The following MNT variants were observed in gnomAD, a reference collection of about 807,000 sequenced individuals.
The protein encoded by MNT is max-binding protein MNT.
In MNT, 13 loss-of-function variants were observed where a neutral mutation model predicts 40.7. The ratio of observed to expected loss-of-function variants is 0.32; its 90% CI spans 0.21 to 0.51. The LOEUF (loss-of-function observed/expected upper bound fraction) is 0.51, where lower values mean the gene tolerates loss of function less well. Ranked by LOEUF, MNT falls within the 20% of genes least tolerant of loss-of-function variation. The probability of loss-of-function intolerance (pLI) is 0.98; values close to 1 mark genes in which losing one functional copy is unlikely to be tolerated. For missense variants in MNT, 757 were observed against 792.0 expected (o/e 0.96, Z 0.53); for synonymous variants, 426 against 354.8 (o/e 1.20, Z -2.26).
chr17:2,395,132 C>T lies in MNT; in HGVS notation c.396G>A (p.Lys132=). Residue 132 remains lysine (K), a synonymous_variant, in exon 2 of 6, where the codon AAG becomes AAA. Transcript: ENST00000174618. The part of the protein sequence containing the change: ...ALVGAPGLSI[K]EPAPLPSRPQ... ...GCCTGCTGGGCAGGGGGGCAGGCTC[C>T]TTAATGCTGAGTCCGGGGGCGCCAA... The T allele has an allele frequency of 6.8e-7, 1 of 1,470,450 alleles. No individual in the cohort carries two copies. The highest frequency in any genetic ancestry group is 2.4e-5 in the East Asian group (1 of 41,144). 91.1% of individuals were successfully genotyped at this position (1,470,450 alleles called of 1,614,324 possible).
chr17:2,391,099 C>T (rs2066509778), intron 4 of MNT: 2 of 152,454 alleles, frequency 1.3e-5, no homozygotes, highest in Admixed American at 6.5e-5. Flanking sequence ...AGCGATTCTC[C>T]TGCCTCAGCC....
intron 4 of MNT, chr17:2,388,344 T>C: frequency 5.3e-6 from 2 of 379,678 alleles, no homozygotes; most frequent in Non-Finnish European, 9.5e-6. Context: ...CTTCTCCGCC[T>C]CTCGCCCCAT....
Position 2,395,248 on chromosome 17 carries a change from C to T in MNT, c.280G>A (p.Val94Met), listed in dbSNP as rs1386143945. 1 of 1,525,680 alleles carries T rather than the reference C, an allele frequency of 6.6e-7. No homozygotes were observed. The highest frequency in any genetic ancestry group is 1.8e-5 in the Admixed American group (1 of 55,214). 94.5% of individuals were successfully genotyped at this position (1,525,680 alleles called of 1,614,324 possible). A position where few individuals can be genotyped will look rare whatever the true frequency, so the allele number is the denominator to read the frequency against. Residue 94 changes from valine (V) to methionine (M), a missense_variant, in exon 2 of 6, where the codon GTG (valine) becomes ATG (methionine). Coordinates refer to ENST00000174618, the MANE Select transcript of MNT (RefSeq NM_020310.3). ...GGTAGAGGCTGAGGGGAGTTGGTCA[C>T]CACAGGGATAGGGATGACAGTCAGT... The part of the protein sequence containing the change: ...APLTVIPIPV[V>M]TNSPQPLPPP...
chr17:2,400,418 C>T, intron 1 of MNT: 1 of 451,744 alleles, frequency 2.2e-6, no homozygotes. Context: ...GGGTGGCGCC[C>T]GCAGGAGCCA....
chr17:2,388,124 C>T (rs2066483504), intron 4 of MNT, 75 bp from the exon 5 acceptor site: 3 of 1,404,306 alleles, frequency 2.1e-6, no homozygotes, highest in African/African-American at 1.4e-5. Context: ...CAAACCTCTC[C>T]CTATCAGCTG....
Position 2,394,365 on chromosome 17 carries a change from G to A in MNT, c.654-19C>T. ...TCCGATCCTGAAACCCAGACAGATA[G>A]GAGGCTCAGGGAGGAGGACTCGATT... On this transcript the variant is annotated intron_variant, in intron 2 of 5. Transcript: ENST00000174618. 6.2e-7 allele frequency: 1 copy of A among 1,613,348 alleles called. No homozygotes were observed. Among genetic ancestry groups the A allele is most frequent in the Admixed American group, 1.7e-5 (1 of 59,854 alleles).
chr17:2,395,006 C>T lies in MNT; in HGVS notation c.522G>A (p.Leu174=), dbSNP rs1474166972. ...GGACTCCAGGGTGTGGCGCTATGGT[C>T]AGGACAGGCGTGGGGAGGGGCTGCA... ...KPLQPLPTPV[L]TIAPHPGVQP... Residue 174 remains leucine (L), a synonymous_variant, in exon 2 of 6, where the codon CTG becomes CTA. Transcript: ENST00000174618. 1 of 1,605,146 alleles carries T rather than the reference C, an allele frequency of 6.2e-7. No individual in the cohort carries two copies. The highest frequency in any genetic ancestry group is 8.5e-7 in the Non-Finnish European group (1 of 1,176,304).
chr17:2,398,588 T>C lies in MNT; in HGVS notation c.73+2052A>G, dbSNP rs2066592582. On this transcript the variant is annotated intron_variant, in intron 1 of 5. Coordinates refer to ENST00000174618, the MANE Select transcript of MNT (RefSeq NM_020310.3). ...GTTCCGGACACCCGTACATGAGTTT[T>C]TGAGTAGATCTAGCTTTCCGCACCC... Among the ~76,000 whole-genome samples, 4 of 152,208 alleles carry C rather than the reference T, an allele frequency of 2.6e-5. No homozygotes were observed. The South Asian group carries it at 6.2e-4, about 24-fold the overall frequency.
intron 3 of MNT, 21 bp downstream of exon 3, chr17:2,394,284 C>T: frequency 6.2e-7 from 1 of 1,608,540 alleles, no homozygotes; most frequent in Non-Finnish European, 8.5e-7. Context: ...CACGCACACA[C>T]ACACACACAC....
chr17:2,400,621 G>A lies in MNT; in HGVS notation c.73+19C>T. 2.5e-6 allele frequency: 4 copies of A among 1,572,552 alleles called. No individual in the cohort carries two copies. The highest frequency in any genetic ancestry group is 2.6e-6 in the Non-Finnish European group (3 of 1,163,700). On this transcript the variant is annotated intron_variant, in intron 1 of 5. Coordinates refer to ENST00000174618, the MANE Select transcript of MNT (RefSeq NM_020310.3). ...CTTCCCCTTCCCCAGTGCCCCAGGG[G>A]CCCAGCCCGGCCGCTCACCACGTGC...
chr17:2,398,473 C>A (rs1438338073), intron 1 of MNT, among the ~76,000 whole-genome samples: 2 of 152,224 alleles, frequency 1.3e-5, no homozygotes, highest in Non-Finnish European at 2.9e-5. Flanking sequence ...CCTGCCATGC[C>A]CTTCCTTCCA....
Position 2,387,344 on chromosome 17 carries a change from C to T in MNT, c.1306G>A (p.Gly436Ser), listed in dbSNP as rs773302165. ...GTGTGGGCGATGACCGTGGAGCCAC[C>T]CCCAGCCGTCGCCACCAGATGGGCT... ...APAHLVATAG[G>S]GSTVIAHTAT... The change falls in exon 6 of 6, where the codon GGT becomes AGT. Residue 436 changes from glycine (G) to serine (S), a missense_variant. Transcript: ENST00000174618. The T allele has an allele frequency of 1.2e-6, 2 of 1,612,346 alleles. No homozygotes were observed. Among genetic ancestry groups the T allele is most frequent in the African/African-American group, 1.3e-5 (1 of 74,922 alleles).
chr17:2,393,606 C>A (rs977618820), intron 4 of MNT, among the ~76,000 whole-genome samples: 5 of 152,198 alleles, frequency 3.3e-5, no homozygotes, highest in Non-Finnish European at 7.4e-5. Context: ...GGGACCACGC[C>A]CAACCCTCCC....
chr17:2,392,245 T>C (rs1373545566), intron 4 of MNT, among the ~76,000 whole-genome samples: 2 of 152,186 alleles, frequency 1.3e-5, no homozygotes, highest in Non-Finnish European at 2.9e-5. Flanking sequence ...CCTCAATGAA[T>C]AAATGAATAA....
intron 2 of MNT, 57 bp downstream of exon 2, chr17:2,394,818 G>A (rs1478543418): frequency 9.1e-6 from 12 of 1,317,788 alleles, no homozygotes; most frequent in African/African-American, 1.5e-5. Context: ...CACACAGCCC[G>A]GGGGATGGGC....
chr17:2,395,343 G>C lies in MNT; in HGVS notation c.185C>G (p.Ala62Gly), dbSNP rs367751791. 3.7e-5 allele frequency: 59 copies of C among 1,612,030 alleles called. No individual in the cohort carries two copies. Among genetic ancestry groups the C allele is most frequent in the Non-Finnish European group, 4.5e-5 (53 of 1,179,492 alleles). The change falls in exon 2 of 6, where the codon GCG (alanine) becomes GGG (glycine). Residue 62 changes from alanine to glycine, a missense_variant. Physicochemically the swap from Ala to Gly is moderately conservative, Grantham distance 60. Transcript: ENST00000174618. ...TLPVEEPRME[A>G]PPLPLSPPAP... ...CGGTGGAGACAGAGGCAGGGGTGGC[G>C]CCTCCATGCGGGGTTCCTCCACAGG...
intron 4 of MNT, among the ~76,000 whole-genome samples, chr17:2,393,316 C>G (rs912014841): frequency 6.6e-6 from 1 of 152,286 alleles, no homozygotes; most frequent in East Asian, 1.9e-4. Context: ...GCGGCGCCCC[C>G]GGCCCGAGCA....
intron 1 of MNT, among the ~76,000 whole-genome samples, chr17:2,399,266 G>A (rs1393773707): frequency 6.6e-6 from 1 of 152,052 alleles, no homozygotes; most frequent in Non-Finnish European, 1.5e-5. Flanking sequence ...GGTCTTTCCC[G>A]CCAGCCCCTC....
rs1463106441 is a variant in MNT at position 2,384,850 on chromosome 17, A to AT, written c.*2050dup. The AT allele has an allele frequency of 6.6e-6, 1 of 151,192 alleles. No homozygotes were observed. Among genetic ancestry groups the AT allele is most frequent in the African/African-American group, 2.4e-5 (1 of 40,928 alleles). 9.4% of individuals were successfully genotyped at this position (151,192 alleles called of 1,614,324 possible). ...TCGGCACTAGATTTGCAGGCCCCCG[A>AT]TGCTGGGGGACAGGGACGGGGAGGG... On this transcript the variant is annotated 3_prime_UTR_variant, in exon 6 of 6. Coordinates refer to ENST00000174618, the MANE Select transcript of MNT (RefSeq NM_020310.3).
Sources: allele counts gnomAD v4.1 joint callset (sites outside exome capture counted in the v4.1 genomes callset), GRCh38; gene constraint gnomAD v4.1.1; transcripts MANE v1.5; gene names NCBI Gene and HGNC (gene_info 2026-07-23, HGNC 2026-07-21).